TUFT1: variants seen among roughly 807,000 people sequenced by gnomAD.
TUFT1 encodes the protein tuftelin.
TUFT1 carries 43 observed loss-of-function variants against 57.8 expected under a neutral mutation model. The ratio of observed to expected loss-of-function variants is 0.74; its 90% CI spans 0.58 to 0.96. The LOEUF is 0.96. Ranked by LOEUF, TUFT1 falls within the 40% of genes least tolerant of loss-of-function variation. TUFT1 has a pLI of 0.00. For missense variants in TUFT1, 459 were observed against 489.0 expected, an observed-to-expected ratio of 0.94 and a Z score of 0.58; for synonymous variants, 166 against 176.7, an observed-to-expected ratio of 0.94 and a Z score of 0.48.
intron 11 of TUFT1, among the ~76,000 whole-genome samples, chr1:151,580,491 T>C (rs1403048991): frequency 6.6e-6 from 1 of 151,732 alleles, no homozygotes; most frequent in Non-Finnish European, 1.5e-5. Flanking sequence ...ACTTTGTCTC[T>C]GAAAAAGAAA....
intron 1 of TUFT1, chr1:151,561,473 G>GCGCACACACACACACACA (rs1265237275): frequency 9.5e-6 from 3 of 314,262 alleles, no homozygotes; most frequent in African/African-American, 7.6e-5. Context: ...GCGCGCGCGC[G>GCGCACACACACACACACA]CACACACACA....
intron 6 of TUFT1, among the ~76,000 whole-genome samples, chr1:151,568,213 G>A (rs1666142981): frequency 6.6e-6 from 1 of 152,110 alleles, no homozygotes; most frequent in African/African-American, 2.4e-5. Context: ...CCTCTCACTG[G>A]TTTCAGTTTT....
At chr1:151,547,849 G>A (rs191232716) in intron 1 of TUFT1, among the ~76,000 whole-genome samples, 214 of 152,302 alleles carry the variant, frequency 1.4e-3, no homozygotes, top group Non-Finnish European at 2.4e-3. Context: ...AGGCCCTAGT[G>A]TTTTCCTTTG....
At chr1:151,553,922 C>A (rs1229202813) in intron 1 of TUFT1, among the ~76,000 whole-genome samples, 3 of 152,090 alleles carry the variant, frequency 2.0e-5, no homozygotes, top group African/African-American at 4.8e-5. Context: ...TGAAGTTGAA[C>A]CCCTTGTCAT....
chr1:151,541,367 G>T (rs1665160712), intron 1 of TUFT1, among the ~76,000 whole-genome samples: 4 of 152,158 alleles, frequency 2.6e-5, no homozygotes, highest in African/African-American at 9.7e-5. Context: ...CTCTCCAGAG[G>T]CTGAGGAGGG....
At chr1:151,566,792 C>CT (rs980860244) in intron 6 of TUFT1, among the ~76,000 whole-genome samples, 5 of 151,368 alleles carry the variant, frequency 3.3e-5, no homozygotes, top group South Asian at 2.1e-4. Context: ...TCTTTGCTTG[C>CT]TTTTTTTTTC....
chr1:151,581,813 C>A lies in TUFT1; in HGVS notation c.*106C>A. The A allele has an allele frequency of 1.6e-6, 2 of 1,244,062 alleles. No individual in the cohort carries two copies. Among genetic ancestry groups the A allele is most frequent in the Non-Finnish European group, 2.3e-6 (2 of 857,844 alleles). The allele number at this position is 1,244,062 out of a possible 1,614,324, so 77.1% of individuals were successfully genotyped here. A position where few individuals can be genotyped will look rare whatever the true frequency, so the allele number is the denominator to read the frequency against. The stretch of plus-strand genomic sequence containing the variant: ...CTTTGACTTCCTGACTGTCCCCTGG[C>A]TGCACCCAGGACTTCGGGCTCCTGT... On this transcript the variant is annotated 3_prime_UTR_variant, in exon 13 of 13. Coordinates refer to ENST00000368849, the MANE Select transcript of TUFT1 (RefSeq NM_020127.3).
At chr1:151,578,654 T>G in intron 9 of TUFT1, 67 bp from the exon 10 acceptor site, 1 of 1,388,330 alleles carries the variant, frequency 7.2e-7, no homozygotes, top group South Asian at 1.2e-5. Flanking sequence ...AGCTCAAGGC[T>G]CTTCCTGTGA....
At chr1:151,561,437 C>T (rs1665884394) in intron 1 of TUFT1, 11 of 554,176 alleles carry the variant, frequency 2.0e-5, no homozygotes, top group Non-Finnish European at 2.5e-5. Flanking sequence ...TCACTTAAGC[C>T]TGGGAGGTTG....
At chr1:151,558,965 A>G (rs1368939889) in intron 1 of TUFT1, among the ~76,000 whole-genome samples, 1 of 151,920 alleles carries the variant, frequency 6.6e-6, no homozygotes, top group Non-Finnish European at 1.5e-5. Flanking sequence ...TTATATTTTC[A>G]GTAGAGACGG....
intron 5 of TUFT1, among the ~76,000 whole-genome samples, chr1:151,565,461 C>A (rs1320913450): frequency 2.0e-5 from 3 of 152,240 alleles, no homozygotes; most frequent in Non-Finnish European, 2.9e-5. Context: ...AAGGAAAGTT[C>A]TTTGTCTTGG....
At position 151,581,820 on chromosome 1, in the gene TUFT1, C is replaced by T; in HGVS notation, c.*113C>T. ...TTCCTGACTGTCCCCTGGCTGCACC[C>T]AGGACTTCGGGCTCCTGTGTCTCAC... On this transcript the variant is annotated 3_prime_UTR_variant, in exon 13 of 13. Transcript: ENST00000368849. The T allele has an allele frequency of 1.7e-6, 2 of 1,150,202 alleles. No individual in the cohort carries two copies. The highest frequency in any genetic ancestry group is 2.6e-6 in the Non-Finnish European group (2 of 779,496). The allele number at this position is 1,150,202 out of a possible 1,614,324, so 71.2% of individuals were successfully genotyped here. A position where few individuals can be genotyped will look rare whatever the true frequency, so the allele number is the denominator to read the frequency against.
chr1:151,571,915 G>C (rs1021413179), intron 7 of TUFT1, among the ~76,000 whole-genome samples: 4 of 152,148 alleles, frequency 2.6e-5, no homozygotes, highest in African/African-American at 9.7e-5. Flanking sequence ...GCTTCTTCTT[G>C]CTGGGCGCTG....
intron 11 of TUFT1, among the ~76,000 whole-genome samples, chr1:151,580,680 AAAAG>A (rs1422594572): frequency 1.5e-4 from 22 of 151,336 alleles, no homozygotes; most frequent in African/African-American, 5.3e-4. Flanking sequence ...AAAAAAAAAA[AAAAG>A]AACTGTATGT....
At position 151,579,680 on chromosome 1, in the gene TUFT1, A is replaced by G. The variant is rs1249749773; in HGVS notation, c.956A>G (p.Lys319Arg). 2.5e-6 allele frequency: 4 copies of G among 1,614,010 alleles called. No homozygotes were observed. Among genetic ancestry groups the G allele is most frequent in the Non-Finnish European group, 2.5e-6 (3 of 1,179,972 alleles). ...LQNSKAVIQS[K>R]DATIQELKEK... ...AATTCAAAAGCTGTGATCCAGTCAAAGGACGCCACCATCCAGGAGCTCAAG... is the reference window on the plus strand; with the variant it reads ...AATTCAAAAGCTGTGATCCAGTCAAGGGACGCCACCATCCAGGAGCTCAAG... Residue 319 changes from lysine (K) to arginine (R), a missense_variant, in exon 11 of 13, where the codon AAG becomes AGG. By Grantham distance (26) the Lys-to-Arg change is conservative. Coordinates refer to ENST00000368849, the MANE Select transcript of TUFT1 (RefSeq NM_020127.3).
chr1:151,546,534 A>G (rs1020112480), intron 1 of TUFT1, among the ~76,000 whole-genome samples: 1 of 151,764 alleles, frequency 6.6e-6, no homozygotes, highest in African/African-American at 2.4e-5. Context: ...TTTCCCCCCA[A>G]TCTCTCTCAG....
At chr1:151,545,646 C>T in intron 1 of TUFT1, 1 of 310,066 alleles carries the variant, frequency 3.2e-6, no homozygotes, top group African/African-American at 2.2e-5. Flanking sequence ...AGTCTGGGAA[C>T]TCTCTGGTTT....
intron 7 of TUFT1, 140 bp downstream of exon 7, chr1:151,569,910 G>C: frequency 2.9e-6 from 2 of 685,994 alleles, no homozygotes; most frequent in Non-Finnish European, 5.2e-6. Context: ...AGCCTGGAAC[G>C]CTTGTCTGCT....
chr1:151,552,828 A>G (rs1665554198), intron 1 of TUFT1, among the ~76,000 whole-genome samples: 1 of 151,892 alleles, frequency 6.6e-6, no homozygotes, highest in African/African-American at 2.4e-5. Flanking sequence ...TTATTTTTAA[A>G]TTTTCAATTT....
Sources: gnomAD v4.1 joint callset for allele counts (sites outside exome capture counted in the v4.1 genomes callset) on GRCh38, gnomAD v4.1.1 for gene constraint, MANE v1.5 for transcripts, NCBI Gene and HGNC (gene_info 2026-07-23, HGNC 2026-07-21) for gene names.